The following GCNT1 variants were observed in gnomAD, a reference collection of about 807,000 sequenced individuals.
The protein encoded by GCNT1 is beta-1,3-galactosyl-O-glycosyl-glycoprotein beta-1,6-N-acetylglucosaminyltransferase.
Under a neutral mutation model 26.2 loss-of-function variants are expected in GCNT1, and 16 were observed. That is an observed-to-expected ratio of 0.61 (90% CI 0.41 to 0.93). The LOEUF is 0.93. Ranked by LOEUF, GCNT1 falls within the 40% of genes least tolerant of loss-of-function variation. The probability of loss-of-function intolerance (pLI) is 0.00; values close to 1 mark genes in which losing one functional copy is unlikely to be tolerated. For synonymous variants in GCNT1, 183 were observed against 190.8 expected, an observed-to-expected ratio of 0.96 and a Z score of 0.34; for missense variants, 477 against 526.7, an observed-to-expected ratio of 0.91 and a Z score of 0.92.
upstream of GCNT1, among the ~76,000 whole-genome samples, chr9:76,437,098 A>T (rs1378435087): frequency 6.6e-6 from 1 of 152,172 alleles, no homozygotes; most frequent in Admixed American, 6.5e-5. Context: ...CCTAGAACTT[A>T]AAGTATAATA....
intron 1 of GCNT1, among the ~76,000 whole-genome samples, chr9:76,448,557 A>G (rs968306428): frequency 6.6e-6 from 1 of 152,172 alleles, no homozygotes; most frequent in Non-Finnish European, 1.5e-5. Context: ...TAACCCAGGC[A>G]ATTATTACCA....
chr9:76,479,687 C>T (rs1035642958), intron 2 of GCNT1, among the ~76,000 whole-genome samples: 10 of 152,138 alleles, frequency 6.6e-5, no homozygotes, highest in African/African-American at 9.7e-5. Flanking sequence ...TCATATCCTT[C>T]GCCCACTTGT....
rs1825207716 is a variant in GCNT1, at chr9:76,505,267, T to G, written c.*1599T>G. ...TTGTCAAAGTCAGAAAACATTTTCA[T>G]CTTATTGAGAGATATGTTTTTAAAC... is the stretch of plus-strand genomic sequence containing the variant. On this transcript the variant is annotated 3_prime_UTR_variant, in exon 4 of 4. Transcript: ENST00000376730. 1 of 240,490 alleles carries G rather than the reference T, an allele frequency of 4.2e-6. No individual in the cohort carries two copies. The highest frequency in any genetic ancestry group is 5.8e-5 in the Admixed American group (1 of 17,384). 14.9% of individuals were successfully genotyped at this position (240,490 alleles called of 1,614,324 possible).
chr9:76,470,946 A>T (rs1164925879), intron 2 of GCNT1, among the ~76,000 whole-genome samples: 1 of 152,168 alleles, frequency 6.6e-6, no homozygotes, highest in East Asian at 1.9e-4. Flanking sequence ...TGTCCTCTTC[A>T]TGTAAATGCA....
At chr9:76,407,063 T>G in the GCNT1 span, among the ~76,000 whole-genome samples, 1 of 151,804 alleles carries the variant, frequency 6.6e-6, no homozygotes, top group Non-Finnish European at 1.5e-5. Context: ...AAAAAGTCAT[T>G]CCCATACACA....
chr9:76,462,839 T>C (rs901058294), intron 2 of GCNT1, among the ~76,000 whole-genome samples: 2 of 152,176 alleles, frequency 1.3e-5, no homozygotes, highest in African/African-American at 4.8e-5. Flanking sequence ...CTGAGAAGCA[T>C]GCCCTGCCAG....
intron 1 of GCNT1, among the ~76,000 whole-genome samples, chr9:76,428,198 G>A (rs566798424): frequency 2.8e-4 from 41 of 146,364 alleles, no homozygotes; most frequent in Non-Finnish European, 5.4e-4. Flanking sequence ...CCCGGGAGGT[G>A]GAGCTTGCAG....
intron 2 of GCNT1, among the ~76,000 whole-genome samples, chr9:76,490,089 A>G (rs1446063273): frequency 6.6e-6 from 1 of 152,216 alleles, no homozygotes; most frequent in African/African-American, 2.4e-5. Context: ...CATGTCCACC[A>G]ACTCCAGAGG....
At chr9:76,428,692 G>A (rs553862425) in intron 1 of GCNT1, among the ~76,000 whole-genome samples, 40 of 140,316 alleles carry the variant, frequency 2.9e-4, no homozygotes, top group African/African-American at 8.5e-4. Context: ...TAGCTGTTGC[G>A]TATTCTATTT....
At chr9:76,432,375 C>T (rs1445472084) in intron 1 of GCNT1, among the ~76,000 whole-genome samples, 2 of 152,040 alleles carry the variant, frequency 1.3e-5, no homozygotes, top group Non-Finnish European at 2.9e-5. Flanking sequence ...CAGGGTTTCA[C>T]TCTGTTGCCC....
At chr9:76,396,213 TAAG>T in the GCNT1 span, among the ~76,000 whole-genome samples, 1 of 152,202 alleles carries the variant, frequency 6.6e-6, no homozygotes, top group Non-Finnish European at 1.5e-5. Flanking sequence ...GGGGTGGTTT[TAAG>T]AATAGAGAAA....
At chr9:76,476,550 T>TAA (rs55776829) in intron 2 of GCNT1, among the ~76,000 whole-genome samples, 3 of 148,872 alleles carry the variant, frequency 2.0e-5, no homozygotes, top group African/African-American at 4.9e-5. Flanking sequence ...GATTGCTATT[T>TAA]AAAAAAAAAA....
chr9:76,500,139 A>C (rs1250594922), intron 2 of GCNT1, among the ~76,000 whole-genome samples: 1 of 143,106 alleles, frequency 7.0e-6, no homozygotes, highest in Non-Finnish European at 1.5e-5. Context: ...CATGCCTTGT[A>C]ATTTTTTTTT....
chr9:76,486,978 G>A (rs1824597616), intron 2 of GCNT1, among the ~76,000 whole-genome samples: 4 of 152,224 alleles, frequency 2.6e-5, no homozygotes, highest in Middle Eastern at 3.4e-3. Flanking sequence ...GAGCTTGGCC[G>A]GTTCCTCATG....
chr9:76,505,162 A>T lies in GCNT1; in HGVS notation c.*1494A>T. On this transcript the variant is annotated 3_prime_UTR_variant, in exon 4 of 4. Transcript: ENST00000376730. ...AATTAAAATCATGTGCTGTATTTTTAAAATCTAGCCAAATTAAATAGTACA... is the reference window on the plus strand; with the variant it reads ...AATTAAAATCATGTGCTGTATTTTTTAAATCTAGCCAAATTAAATAGTACA... The T allele has an allele frequency of 2.5e-6, 1 of 401,214 alleles. No individual in the cohort carries two copies. Among genetic ancestry groups the T allele is most frequent in the Non-Finnish European group, 4.6e-6 (1 of 218,934 alleles). 24.9% of individuals were successfully genotyped at this position (401,214 alleles called of 1,614,324 possible).
chr9:76,424,639 A>G (rs1823236732), intron 1 of GCNT1, among the ~76,000 whole-genome samples: 1 of 152,252 alleles, frequency 6.6e-6, no homozygotes, highest in East Asian at 1.9e-4. Flanking sequence ...TTTCTGTTTC[A>G]CAGAGCACGC....
chr9:76,403,006 A>G, the GCNT1 span, among the ~76,000 whole-genome samples: 1 of 152,124 alleles, frequency 6.6e-6, no homozygotes, highest in Non-Finnish European at 1.5e-5. Flanking sequence ...CACCGCACAT[A>G]TGGAAATGGA....
At chr9:76,394,490 C>G in the GCNT1 span, 5 of 257,280 alleles carry the variant, frequency 1.9e-5, no homozygotes, top group East Asian at 4.1e-4. Context: ...TCCGCGCCGC[C>G]GGCGTGCGCT....
chr9:76,458,508 CAAAT>C (rs1048981561), upstream of GCNT1, among the ~76,000 whole-genome samples: 5 of 152,148 alleles, frequency 3.3e-5, no homozygotes, highest in East Asian at 7.7e-4. Flanking sequence ...AACATGGAAA[CAAAT>C]AAGACCTCGT....
Sources: gnomAD v4.1 joint callset for allele counts (sites outside exome capture counted in the v4.1 genomes callset) on GRCh38, gnomAD v4.1.1 for gene constraint, MANE v1.5 for transcripts, NCBI Gene and HGNC (gene_info 2026-07-23, HGNC 2026-07-21) for gene names.